The following ARHGEF12 variants were observed in gnomAD, a reference collection of about 807,000 sequenced individuals.
The protein encoded by ARHGEF12 is Rho guanine nucleotide exchange factor 12, also known as KMT2A/ARHGEF12 fusion protein.
Under a neutral mutation model 211.2 loss-of-function variants are expected in ARHGEF12, and 66 were observed. That is an observed-to-expected ratio of 0.31 (90% CI 0.26 to 0.38). The LOEUF is 0.38. Ranked by LOEUF, ARHGEF12 falls within the 10% of genes least tolerant of loss-of-function variation. The pLI is 1.00. For missense variants in ARHGEF12, 1,429 were observed against 1,869.5 expected (o/e 0.76, Z 4.34); for synonymous variants, 592 against 638.4 (o/e 0.93, Z 1.09).
chr11:120,413,849 A>G lies in ARHGEF12; in HGVS notation c.199+4399A>G, dbSNP rs1268599550. Among the ~76,000 whole-genome samples the G allele has an allele frequency of 2.6e-5, 4 of 152,360 alleles. No individual in the cohort carries two copies. The South Asian group carries it at 8.3e-4, about 32-fold the overall frequency. Reference sequence around the variant, plus strand: ...ATAAAATAAAAGGTGAAGAAAGACTAATGTGCTTTCACTAAAGTCAATGTA... The same window carrying G: ...ATAAAATAAAAGGTGAAGAAAGACTGATGTGCTTTCACTAAAGTCAATGTA... On this transcript the variant is annotated intron_variant, in intron 4 of 40. Transcript: ENST00000397843.
intron 1 of ARHGEF12, among the ~76,000 whole-genome samples, chr11:120,347,160 C>T (rs796784555): frequency 5.5e-4 from 32 of 58,006 alleles, no homozygotes; most frequent in African/African-American, 1.2e-3. Context: ...TCCTTCCTTC[C>T]TTCCTTCCTT....
Position 120,336,536 on chromosome 11 carries a change from C to G in ARHGEF12, c.-708C>G, listed in dbSNP as rs1035833789. On this transcript the variant is annotated 5_prime_UTR_variant, in exon 1 of 41. Coordinates refer to ENST00000397843, the MANE Select transcript of ARHGEF12 (RefSeq NM_015313.3). Reference sequence around the variant, plus strand: ...GCGGGGAGCGTCGGGGAGGAGCCGCCGCCTCTGGCGATTGCGGAAGAGTCC... The same window carrying G: ...GCGGGGAGCGTCGGGGAGGAGCCGCGGCCTCTGGCGATTGCGGAAGAGTCC... Among the ~76,000 whole-genome samples the G allele has an allele frequency of 2.2e-4, 34 of 152,106 alleles. No individual in the cohort carries two copies. Among genetic ancestry groups the G allele is most frequent in the African/African-American group, 8.2e-4 (34 of 41,538 alleles).
chr11:120,446,581 A>T, intron 17 of ARHGEF12, 73 bp downstream of exon 17: 3 of 1,157,344 alleles, frequency 2.6e-6, no homozygotes, highest in Non-Finnish European at 3.7e-6. Context: ...AAAGTTGCTC[A>T]TTAAATACTT....
intron 22 of ARHGEF12, among the ~76,000 whole-genome samples, chr11:120,455,025 T>C (rs1271892326): frequency 6.6e-6 from 1 of 151,786 alleles, no homozygotes; most frequent in African/African-American, 2.4e-5. Context: ...CGATCAGAGT[T>C]TAAAGGAAAA....
chr11:120,457,895 C>A, intron 24 of ARHGEF12, 139 bp downstream of exon 24: 1 of 1,147,242 alleles, frequency 8.7e-7, no homozygotes, highest in East Asian at 2.6e-5. Flanking sequence ...TCTTAAGAAA[C>A]ACTGGTCATT....
At position 120,467,212 on chromosome 11, in the gene ARHGEF12, C is replaced by G; in HGVS notation, c.2758C>G (p.Leu920Val). 6.2e-7 allele frequency: 1 copy of G among 1,611,072 alleles called. No individual in the cohort carries two copies. Among genetic ancestry groups the G allele is most frequent in the South Asian group, 1.1e-5 (1 of 90,560 alleles). Residue 920 changes from leucine (L) to valine (V), a missense_variant, in exon 29 of 41, where the codon CTG becomes GTG. Leu to Val is a conservative substitution (Grantham distance 32, BLOSUM62 1). This residue lies in a region of ARHGEF12 where 223 missense variants were observed against 444.6 expected (regional missense o/e 0.50). Coordinates refer to ENST00000397843, the MANE Select transcript of ARHGEF12 (RefSeq NM_015313.3). ...TFVQDAESNPLCRRLQLKDII... is the reference protein window; with the variant it reads ...TFVQDAESNPVCRRLQLKDII... Reference sequence around the variant, plus strand: ...ATTTTAGGATGCTGAAAGTAATCCACTGTGTCGTCGTCTTCAACTGAAGGA... The same window carrying G: ...ATTTTAGGATGCTGAAAGTAATCCAGTGTGTCGTCGTCTTCAACTGAAGGA...
Position 120,484,435 on chromosome 11 carries a change from C to T in ARHGEF12, c.4555-3C>T, listed in dbSNP as rs767576017. ...TAAAAAACCTATGGGTTTTATTTCA[C>T]AGAAGGTGGAGGAAAGTTACACCAT... On this transcript the variant is annotated splice_region_variant and splice_polypyrimidine_tract_variant and intron_variant, in intron 39 of 40. Coordinates refer to ENST00000397843, the MANE Select transcript of ARHGEF12 (RefSeq NM_015313.3). The T allele has an allele frequency of 1.7e-5, 27 of 1,613,410 alleles. No individual in the cohort carries two copies. Among genetic ancestry groups the T allele is most frequent in the Non-Finnish European group, 2.3e-5 (27 of 1,179,718 alleles).
intron 21 of ARHGEF12, chr11:120,449,415 C>T (rs985324089): frequency 3.9e-5 from 20 of 510,788 alleles, no homozygotes; most frequent in African/African-American, 3.3e-4. Flanking sequence ...AAACATCTTT[C>T]GTGGGCTGGG....
At chr11:120,365,646 G>A (rs1250647515) in intron 1 of ARHGEF12, 1 of 151,928 alleles carries the variant, frequency 6.6e-6, no homozygotes, top group African/African-American at 2.4e-5. Context: ...AATTTGTTAG[G>A]GTTAACAAGA....
At chr11:120,482,341 G>A (rs1432682995) in intron 39 of ARHGEF12, among the ~76,000 whole-genome samples, 1 of 152,188 alleles carries the variant, frequency 6.6e-6, no homozygotes, top group Non-Finnish European at 1.5e-5. Context: ...AGTGGCTCCT[G>A]TAATCTAAAA....
intron 1 of ARHGEF12, among the ~76,000 whole-genome samples, chr11:120,343,443 T>C (rs1942595960): frequency 6.6e-6 from 1 of 152,236 alleles, no homozygotes; most frequent in South Asian, 2.1e-4. Flanking sequence ...AATAGAAGCC[T>C]ATGAAGCTAG....
intron 2 of ARHGEF12, among the ~76,000 whole-genome samples, chr11:120,406,659 C>T (rs892307556): frequency 1.3e-5 from 2 of 152,140 alleles, no homozygotes; most frequent in Admixed American, 6.5e-5. Context: ...CCCGGGTTCA[C>T]ACCATTCTCC....
At position 120,451,695 on chromosome 11, in the gene ARHGEF12, C is replaced by T; in HGVS notation, c.2027C>T (p.Ser676Phe). 1 of 1,613,918 alleles carries T rather than the reference C, an allele frequency of 6.2e-7. No individual in the cohort carries two copies. Among genetic ancestry groups the T allele is most frequent in the Non-Finnish European group, 8.5e-7 (1 of 1,179,942 alleles). Reference protein sequence around the residue: ...MSSVASGASFSQEGGKENDTG... With the variant: ...MSSVASGASFFQEGGKENDTG... ...TCTGTAGCTTCAGGGGCCTCTTTTT[C>T]CCAGGAAGGAGGGAAAGAGAATGAT... Residue 676 changes from serine to phenylalanine, a missense_variant, in exon 22 of 41, where the codon TCC becomes TTC. Ser to Phe is a radical substitution (Grantham distance 155). Transcript: ENST00000397843.
intron 7 of ARHGEF12, among the ~76,000 whole-genome samples, chr11:120,426,729 C>G (rs1450462615): frequency 6.6e-6 from 1 of 152,140 alleles, no homozygotes; most frequent in Non-Finnish European, 1.5e-5. Context: ...CACCAAAACA[C>G]TGTGAAATAA....
At chr11:120,437,170 C>A in intron 11 of ARHGEF12, 138 bp from the exon 12 acceptor site, 4 of 536,224 alleles carry the variant, frequency 7.5e-6, no homozygotes, top group Middle Eastern at 4.1e-4. Context: ...GTAGCAGAAC[C>A]AAGCATTTTA....
At chr11:120,436,952 G>C (rs1266785723) in intron 11 of ARHGEF12, among the ~76,000 whole-genome samples, 2 of 151,524 alleles carry the variant, frequency 1.3e-5, no homozygotes, top group Non-Finnish European at 2.9e-5. Context: ...GGATAGAAAG[G>C]ATAGTTTGAG....
intron 1 of ARHGEF12, among the ~76,000 whole-genome samples, chr11:120,351,173 C>A (rs547416914): frequency 1.6e-3 from 242 of 150,852 alleles, no homozygotes; most frequent in Non-Finnish European, 2.5e-3. Context: ...CACGGTGAAA[C>A]CCCGTCTCTA....
chr11:120,447,977 A>T (rs1351330108), intron 19 of ARHGEF12, 71 bp downstream of exon 19: 5 of 1,198,676 alleles, frequency 4.2e-6, no homozygotes, highest in Non-Finnish European at 5.9e-6. Context: ...TTTCAGTCCT[A>T]AATTACAATT....
chr11:120,467,410 T>C, intron 29 of ARHGEF12, 102 bp downstream of exon 29: 1 of 601,262 alleles, frequency 1.7e-6, no homozygotes, highest in Non-Finnish European at 2.8e-6. Flanking sequence ...GAGTTGGATT[T>C]CCAAATAGTA....
Sources: gnomAD v4.1 joint callset for allele counts (sites outside exome capture counted in the v4.1 genomes callset) on GRCh38, gnomAD v4.1.1 for gene constraint, gnomAD v4.1.1 regional missense constraint, MANE v1.5 for transcripts, NCBI Gene and HGNC (gene_info 2026-07-23, HGNC 2026-07-21) for gene names.